Variants in TSHZ2 observed in about 807,000 individuals in gnomAD.
TSHZ2 encodes teashirt homolog 2.
TSHZ2 carries 21 observed loss-of-function variants against 74.4 expected under a neutral mutation model. That is an observed-to-expected ratio of 0.28 (90% CI 0.20 to 0.41). TSHZ2 has a LOEUF of 0.41. TSHZ2 is among the 10% of genes least tolerant of loss of function. TSHZ2 has a pLI of 1.00. For missense variants in TSHZ2, 1,244 were observed against 1,293.5 expected, an observed-to-expected ratio of 0.96 and a Z score of 0.59; for synonymous variants, 540 against 515.3, an observed-to-expected ratio of 1.05 and a Z score of -0.65.
At chr20:53,468,865 C>T (rs901771232) in intron 2 of TSHZ2, among the ~76,000 whole-genome samples, 8 of 149,654 alleles carry the variant, frequency 5.3e-5, no homozygotes, top group African/African-American at 1.7e-4. Flanking sequence ...AATTATGACC[C>T]GAATGCTATC....
intron 2 of TSHZ2, among the ~76,000 whole-genome samples, chr20:53,278,953 TA>T (rs1203691704): frequency 6.6e-6 from 1 of 152,230 alleles, no homozygotes; most frequent in East Asian, 1.9e-4. Context: ...CCAGAAGCCT[TA>T]CCAACAACAT....
chr20:53,435,808 T>C (rs941486441), intron 2 of TSHZ2, among the ~76,000 whole-genome samples: 2 of 152,216 alleles, frequency 1.3e-5, no homozygotes, highest in Admixed American at 1.3e-4. Context: ...CCACCACACC[T>C]GGCTGTAAGA....
At chr20:53,341,886 T>TC (rs1980218979) in intron 2 of TSHZ2, among the ~76,000 whole-genome samples, 1 of 152,128 alleles carries the variant, frequency 6.6e-6, no homozygotes, top group Admixed American at 6.5e-5. Context: ...AATTTTTGTA[T>TC]TTTTAGTAGA....
chr20:52,988,702 A>G (rs1600632258), intron 1 of TSHZ2, among the ~76,000 whole-genome samples: 1 of 152,312 alleles, frequency 6.6e-6, no homozygotes, highest in Non-Finnish European at 1.5e-5. Flanking sequence ...TATGCTATCC[A>G]TGATGGCATT....
intron 1 of TSHZ2, among the ~76,000 whole-genome samples, chr20:53,150,695 G>A (rs1319999753): frequency 1.3e-5 from 2 of 151,718 alleles, no homozygotes; most frequent in Non-Finnish European, 2.9e-5. Flanking sequence ...AGGAAGGAAG[G>A]AGGAGAGGAA....
At chr20:52,997,803 T>G (rs1160258312) in intron 1 of TSHZ2, among the ~76,000 whole-genome samples, 1 of 152,202 alleles carries the variant, frequency 6.6e-6, no homozygotes, top group African/African-American at 2.4e-5. Flanking sequence ...CTGTGATAAC[T>G]GCAAAGTGGG....
chr20:53,179,693 G>T (rs1265246622), intron 1 of TSHZ2: 1 of 152,226 alleles, frequency 6.6e-6, no homozygotes, highest in Non-Finnish European at 1.5e-5. Flanking sequence ...GGCCTTGCCT[G>T]TTGAACATAT....
chr20:53,281,205 G>A (rs940425470), intron 2 of TSHZ2, among the ~76,000 whole-genome samples: 4 of 152,164 alleles, frequency 2.6e-5, no homozygotes, highest in African/African-American at 9.7e-5. Flanking sequence ...ACTTTAGATG[G>A]GTGGTCAGAA....
intron 2 of TSHZ2, among the ~76,000 whole-genome samples, chr20:53,265,820 A>G (rs1990704354): frequency 6.6e-6 from 1 of 152,270 alleles, no homozygotes; most frequent in Admixed American, 6.5e-5. Context: ...GCAGAAAACC[A>G]GAAAGACTTC....
chr20:53,443,902 G>A (rs1161093924), intron 2 of TSHZ2, among the ~76,000 whole-genome samples: 2 of 152,172 alleles, frequency 1.3e-5, no homozygotes, highest in Non-Finnish European at 2.9e-5. Context: ...CCCGTGGAGA[G>A]CTAGGCCTGG....
At chr20:53,371,145 C>T (rs988758999) in intron 2 of TSHZ2, among the ~76,000 whole-genome samples, 1 of 152,304 alleles carries the variant, frequency 6.6e-6, no homozygotes, top group African/African-American at 2.4e-5. Flanking sequence ...AACTGAATTA[C>T]ACCTGCAAAG....
chr20:53,413,114 A>T (rs1359173512), intron 2 of TSHZ2, among the ~76,000 whole-genome samples: 2 of 152,118 alleles, frequency 1.3e-5, no homozygotes, highest in Non-Finnish European at 2.9e-5. Context: ...ATCATGCACG[A>T]TGTCATCGTG....
At chr20:53,090,461 G>A (rs371654010) in intron 1 of TSHZ2, among the ~76,000 whole-genome samples, 11 of 152,216 alleles carry the variant, frequency 7.2e-5, no homozygotes, top group East Asian at 1.9e-4. Context: ...AGCCATGGGG[G>A]AATAGGTTTG....
At chr20:53,415,463 C>T (rs1983204187) in intron 2 of TSHZ2, among the ~76,000 whole-genome samples, 1 of 152,068 alleles carries the variant, frequency 6.6e-6, no homozygotes, top group Non-Finnish European at 1.5e-5. Flanking sequence ...CCCACCCCTT[C>T]TTCCTCTTCC....
chr20:53,053,564 T>C (rs1235253964), intron 1 of TSHZ2, among the ~76,000 whole-genome samples: 2 of 113,006 alleles, frequency 1.8e-5, no homozygotes, highest in Non-Finnish European at 3.5e-5. Context: ...AAGCTATATA[T>C]GTATGTATAT....
At chr20:53,060,341 A>G (rs980539656) in intron 1 of TSHZ2, among the ~76,000 whole-genome samples, 5 of 152,184 alleles carry the variant, frequency 3.3e-5, no homozygotes, top group African/African-American at 1.2e-4. Context: ...CTGATTTCTC[A>G]GGAGCTGTTT....
At chr20:53,384,353 G>A (rs566728703) in intron 2 of TSHZ2, among the ~76,000 whole-genome samples, 4 of 152,318 alleles carry the variant, frequency 2.6e-5, no homozygotes, top group East Asian at 1.9e-4. Flanking sequence ...CTTCATGAAC[G>A]AAGCCATTCA....
At chr20:53,041,407 T>A (rs748518527) in intron 1 of TSHZ2, among the ~76,000 whole-genome samples, 8 of 152,148 alleles carry the variant, frequency 5.3e-5, no homozygotes, top group Non-Finnish European at 1.2e-4. Context: ...GGGAATTGAG[T>A]CTCCATGCCC....
intron 1 of TSHZ2, among the ~76,000 whole-genome samples, chr20:53,005,293 C>T (rs1056633942): frequency 1.3e-5 from 2 of 152,092 alleles, no homozygotes; most frequent in Non-Finnish European, 1.5e-5. Context: ...GCCTGGGCAA[C>T]AGAGAGAGAC....
Sources: gnomAD v4.1 joint callset for allele counts (sites outside exome capture counted in the v4.1 genomes callset) on GRCh38, gnomAD v4.1.1 for gene constraint, MANE v1.5 for transcripts, NCBI Gene and HGNC (gene_info 2026-07-23, HGNC 2026-07-21) for gene names.